The following UGT1A5 variants were observed in gnomAD, a reference collection of about 807,000 sequenced individuals.
UGT1A5 encodes the protein UDP-glucuronosyltransferase 1A5.
Under a neutral mutation model 40.3 loss-of-function variants are expected in UGT1A5, and 29 were observed. The ratio of observed to expected loss-of-function variants is 0.72; its 90% CI spans 0.54 to 0.98. UGT1A5 has a LOEUF of 0.98. UGT1A5 is among the 50% of genes least tolerant of loss of function. UGT1A5 has a pLI of 0.00. For missense variants in UGT1A5, 678 were observed against 677.9 expected (o/e 1.00, Z 0.00); for synonymous variants, 257 against 262.5 (o/e 0.98, Z 0.20).
intron 1 of UGT1A5, chr2:233,743,566 G>A (rs532152836): frequency 7.3e-7 from 1 of 1,367,298 alleles, no homozygotes; most frequent in African/African-American, 1.5e-5. Context: ...TCTCCAGCGG[G>A]TTTCCCAAGA....
intron 1 of UGT1A5, among the ~76,000 whole-genome samples, chr2:233,732,068 C>T (rs1485941196): frequency 6.6e-6 from 1 of 152,198 alleles, no homozygotes; most frequent in Non-Finnish European, 1.5e-5. Flanking sequence ...TGTCTGTTGG[C>T]TGCATAAATG....
At position 233,713,984 on chromosome 2, in the gene UGT1A5, G is replaced by T. The variant is rs562772168; in HGVS notation, c.867+126G>T. 6.3e-4 allele frequency: 992 copies of T among 1,585,892 alleles called. 2 individuals are homozygous for T. Among genetic ancestry groups the T allele is most frequent in the Non-Finnish European group, 8.0e-4 (939 of 1,166,642 alleles). ...GATTTCATTTCTGCTTCTCATTGTT[G>T]TAATAGTCTTCAGTGAGATAAACTT... On this transcript the variant is annotated intron_variant, in intron 1 of 4. Transcript: ENST00000373414.
At chr2:233,746,951 C>A (rs1693515830) in intron 1 of UGT1A5, among the ~76,000 whole-genome samples, 1 of 151,748 alleles carries the variant, frequency 6.6e-6, no homozygotes, top group Admixed American at 6.5e-5. Context: ...GAAACAAGAG[C>A]TTGAACTTGG....
chr2:233,739,651 G>A (rs1230499129), intron 1 of UGT1A5, among the ~76,000 whole-genome samples: 1 of 152,174 alleles, frequency 6.6e-6, no homozygotes, highest in African/African-American at 2.4e-5. Flanking sequence ...CCCAATTTCT[G>A]TACCCCCATT....
chr2:233,722,534 T>C (rs2077021206), intron 1 of UGT1A5, among the ~76,000 whole-genome samples: 1 of 152,230 alleles, frequency 6.6e-6, no homozygotes, highest in Admixed American at 6.5e-5. Context: ...CTTAATGATT[T>C]CATCCTAGTT....
intron 1 of UGT1A5, among the ~76,000 whole-genome samples, chr2:233,748,560 A>G (rs1345265737): frequency 1.3e-5 from 2 of 151,814 alleles, no homozygotes; most frequent in Admixed American, 1.3e-4. Context: ...CACTCGCAGG[A>G]AGTAGAAGTG....
intron 1 of UGT1A5, among the ~76,000 whole-genome samples, chr2:233,732,351 ATGAAGTCC>A: frequency 6.6e-6 from 1 of 152,222 alleles, no homozygotes; most frequent in Non-Finnish European, 1.5e-5. Flanking sequence ...TGTTTTAGTC[ATGAAGTCC>A]TGGCCCATGC....
chr2:233,724,528 C>G (rs1239231307), intron 1 of UGT1A5, among the ~76,000 whole-genome samples: 1 of 112,802 alleles, frequency 8.9e-6, no homozygotes, highest in African/African-American at 3.8e-5. Flanking sequence ...GATGGGGTCT[C>G]GCCGGGCAGA....
chr2:233,760,861 T>A, intron 1 of UGT1A5: 1 of 1,614,158 alleles, frequency 6.2e-7, no homozygotes, highest in Non-Finnish European at 8.5e-7. Flanking sequence ...CCCATTCTCC[T>A]ACGTGCCCAG....
intron 1 of UGT1A5, among the ~76,000 whole-genome samples, chr2:233,757,066 C>A (rs1244177013): frequency 2.6e-5 from 4 of 151,164 alleles, no homozygotes; most frequent in Non-Finnish European, 4.4e-5. Context: ...AGCAAGGGAT[C>A]CAGAATGGCT....
chr2:233,732,616 A>C (rs1187431518), intron 1 of UGT1A5, among the ~76,000 whole-genome samples: 1 of 152,194 alleles, frequency 6.6e-6, no homozygotes, highest in Non-Finnish European at 1.5e-5. Flanking sequence ...AAATGGTTGT[A>C]GATGTGTGGT....
At chr2:233,762,715 C>T (rs1406790908) in intron 1 of UGT1A5, among the ~76,000 whole-genome samples, 19 of 149,510 alleles carry the variant, frequency 1.3e-4, no homozygotes, top group Middle Eastern at 3.4e-3. Flanking sequence ...GTATTTTACA[C>T]GGTTTTTTTT....
At position 233,729,937 on chromosome 2, in the gene UGT1A5, C is replaced by A; in HGVS notation, c.867+16079C>A. The A allele has an allele frequency of 3.1e-6, 5 of 1,614,026 alleles. No individual in the cohort carries two copies. The Admixed American group carries it at 8.3e-5, about 27-fold the overall frequency. On this transcript the variant is annotated intron_variant, in intron 1 of 4. Coordinates refer to ENST00000373414, the MANE Select transcript of UGT1A5 (RefSeq NM_019078.2). ...GATGGACTACCCCAGGCCAATCATG[C>A]CCAACATGGTCTTCATTGGGGGCAT... is the stretch of plus-strand genomic sequence containing the variant.
rs758374226 is a variant in UGT1A5, at chr2:233,713,488, C to A, written c.497C>A (p.Ser166Ter). The A allele has an allele frequency of 6.2e-7, 1 of 1,613,950 alleles. No homozygotes were observed. Among genetic ancestry groups the A allele is most frequent in the Non-Finnish European group, 8.5e-7 (1 of 1,179,922 alleles). Residue 166 changes from serine (S) to a stop codon, truncating the protein, a stop_gained, in exon 1 of 5, where the codon TCG (serine) becomes TAG (stop). Coordinates refer to ENST00000373414, the MANE Select transcript of UGT1A5 (RefSeq NM_019078.2). LOFTEE classifies it high-confidence loss of function. ...GCGGCGGTGCTGGCTAAGTACCTGTCGATTCCTGCTGTGTTTTTCTTGAGG... is the reference window on the plus strand; with the variant it reads ...GCGGCGGTGCTGGCTAAGTACCTGTAGATTCCTGCTGTGTTTTTCTTGAGG... ...LCAAVLAKYL[S>*]IPAVFFLRNI...
At chr2:233,761,135 A>G (rs755308142) in intron 1 of UGT1A5, 1 of 1,614,240 alleles carries the variant, frequency 6.2e-7, no homozygotes. Context: ...TGCCTTCACC[A>G]AAATCCACTA....
In UGT1A5 at chr2:233,712,997, C is replaced by T; in HGVS notation, c.6C>T (p.Ala2=). ...TGTCGGTGGCTTCTGCTGAGATGGC[C>T]ACAGGACTCCAGGTTCCCCTGCCGC... M[A]TGLQVPLPQL... is the part of the protein sequence containing the mutation. Residue 2 remains alanine, a synonymous_variant, in exon 1 of 5, where the codon GCC becomes GCT. Transcript: ENST00000373414. The T allele has an allele frequency of 1.9e-6, 3 of 1,613,428 alleles. No individual in the cohort carries two copies. In the East Asian group the frequency reaches 6.7e-5, roughly 36 times the overall value.
intron 1 of UGT1A5, among the ~76,000 whole-genome samples, chr2:233,758,252 T>G (rs1696828671): frequency 6.6e-6 from 1 of 152,196 alleles, no homozygotes; most frequent in African/African-American, 2.4e-5. Context: ...ACTATTCAGA[T>G]TAGTAAGTAT....
intron 1 of UGT1A5, among the ~76,000 whole-genome samples, chr2:233,737,292 G>T (rs573133918): frequency 6.6e-6 from 1 of 152,194 alleles, no homozygotes; most frequent in Non-Finnish European, 1.5e-5. Flanking sequence ...CCAGGCTGCC[G>T]CCTCACAGTT....
chr2:233,745,084 T>A (rs1035924071), intron 1 of UGT1A5, among the ~76,000 whole-genome samples: 1 of 151,944 alleles, frequency 6.6e-6, no homozygotes, highest in African/African-American at 2.4e-5. Flanking sequence ...TTTTCATTGC[T>A]CTTCCCCCCA....
Sources: gnomAD v4.1 joint callset for allele counts (sites outside exome capture counted in the v4.1 genomes callset) on GRCh38, gnomAD v4.1.1 for gene constraint, MANE v1.5 for transcripts, NCBI Gene and HGNC (gene_info 2026-07-23, HGNC 2026-07-21) for gene names.